Variants in ZMAT4 observed in about 807,000 individuals in gnomAD.
The protein encoded by ZMAT4 is zinc finger matrin-type protein 4.
ZMAT4 carries 17 observed loss-of-function variants against 28.7 expected under a neutral mutation model. The observed-to-expected ratio is 0.59, with a 90% CI of 0.41 to 0.89. ZMAT4 has a LOEUF of 0.89. Ranked by LOEUF, ZMAT4 falls within the 40% of genes least tolerant of loss-of-function variation. The pLI is 0.00. For missense variants in ZMAT4, 240 were observed against 283.8 expected, an observed-to-expected ratio of 0.85 and a Z score of 1.11; for synonymous variants, 117 against 109.2, an observed-to-expected ratio of 1.07 and a Z score of -0.44.
chr8:40,759,159 G>A (rs888594640), intron 3 of ZMAT4, among the ~76,000 whole-genome samples: 4 of 151,714 alleles, frequency 2.6e-5, no homozygotes, highest in African/African-American at 9.7e-5. Flanking sequence ...GTGCGGGCCT[G>A]TAATCCCAGA....
chr8:40,783,917 A>C (rs1406213326), intron 2 of ZMAT4, among the ~76,000 whole-genome samples: 1 of 152,164 alleles, frequency 6.6e-6, no homozygotes, highest in African/African-American at 2.4e-5. Flanking sequence ...AGGTTGAGGC[A>C]GGAGAATTGC....
chr8:40,616,055 C>G (rs1450183215), intron 5 of ZMAT4, among the ~76,000 whole-genome samples: 1 of 152,134 alleles, frequency 6.6e-6, no homozygotes, highest in South Asian at 2.1e-4. Context: ...AAGCAAACAA[C>G]CCCATCAAAA....
chr8:40,586,748 T>G (rs1175498038), intron 5 of ZMAT4, among the ~76,000 whole-genome samples: 2 of 152,176 alleles, frequency 1.3e-5, no homozygotes, highest in Non-Finnish European at 2.9e-5. Flanking sequence ...TTTATTACTG[T>G]GTGAGATATT....
chr8:40,755,515 C>T (rs1208257743), intron 3 of ZMAT4, among the ~76,000 whole-genome samples: 11 of 152,084 alleles, frequency 7.2e-5, no homozygotes, highest in Non-Finnish European at 1.2e-4. Context: ...TGCAATGGCC[C>T]GATCTCGGCT....
At chr8:40,607,117 C>CTTTTTTTTTTTTTTTTTTTTTTT (rs71544299) in intron 5 of ZMAT4, among the ~76,000 whole-genome samples, 1 of 65,716 alleles carries the variant, frequency 1.5e-5, no homozygotes, top group Non-Finnish European at 2.7e-5. Flanking sequence ...TATCTTGTAT[C>CTTTTTTTTTTTTTTTTTTTTTTT]TTTTTTTTTT....
intron 3 of ZMAT4, among the ~76,000 whole-genome samples, chr8:40,720,174 A>G (rs947998343): frequency 6.6e-6 from 1 of 152,214 alleles, no homozygotes; most frequent in Admixed American, 6.5e-5. Context: ...GAAAACATCA[A>G]CATGGTCATG....
At chr8:40,747,776 A>G (rs1304972398) in intron 3 of ZMAT4, among the ~76,000 whole-genome samples, 2 of 152,162 alleles carry the variant, frequency 1.3e-5, no homozygotes, top group African/African-American at 4.8e-5. Context: ...AAACAAACTA[A>G]TTTGTTAATT....
At chr8:40,652,128 C>T (rs1489188627) in intron 5 of ZMAT4, among the ~76,000 whole-genome samples, 2 of 110,930 alleles carry the variant, frequency 1.8e-5, no homozygotes, top group African/African-American at 5.8e-5. Context: ...AAGAAACTAC[C>T]ATCAGAGTGA....
At chr8:40,877,236 C>G (rs886901070) in intron 1 of ZMAT4, among the ~76,000 whole-genome samples, 1 of 152,190 alleles carries the variant, frequency 6.6e-6, no homozygotes, top group African/African-American at 2.4e-5. Flanking sequence ...GAACCCAGCC[C>G]TGCAGGCACC....
intron 4 of ZMAT4, among the ~76,000 whole-genome samples, chr8:40,680,345 C>G (rs1369464515): frequency 6.6e-6 from 1 of 152,012 alleles, no homozygotes; most frequent in African/African-American, 2.4e-5. Flanking sequence ...GTTTTTGGGG[C>G]TAAAACAAGG....
At chr8:40,781,104 C>T (rs1425611393) in intron 2 of ZMAT4, among the ~76,000 whole-genome samples, 2 of 152,168 alleles carry the variant, frequency 1.3e-5, no homozygotes, top group African/African-American at 4.8e-5. Context: ...AAATAAAACT[C>T]TCTCTACTTG....
At chr8:40,639,313 A>G (rs1806918225) in intron 5 of ZMAT4, among the ~76,000 whole-genome samples, 2 of 152,104 alleles carry the variant, frequency 1.3e-5, no homozygotes, top group Non-Finnish European at 2.9e-5. Flanking sequence ...GGGTTTTTGA[A>G]TGAGATTGGA....
At chr8:40,713,921 C>CAAAAAAAAAAAAAAAAAAAAAA (rs532317102) in intron 3 of ZMAT4, among the ~76,000 whole-genome samples, 2 of 50,016 alleles carry the variant, frequency 4.0e-5, no homozygotes, top group African/African-American at 6.7e-5. Flanking sequence ...AAAACAAAAC[C>CAAAAAAAAAAAAAAAAAAAAAA]AAAAAAAAAA....
chr8:40,548,985 A>T (rs921608013), intron 6 of ZMAT4, among the ~76,000 whole-genome samples: 1 of 152,194 alleles, frequency 6.6e-6, no homozygotes, highest in African/African-American at 2.4e-5. Context: ...CAGAATTCAT[A>T]TGTTGAAACG....
chr8:40,689,469 T>C (rs1333479391), intron 4 of ZMAT4, among the ~76,000 whole-genome samples: 1 of 152,250 alleles, frequency 6.6e-6, no homozygotes, highest in African/African-American at 2.4e-5. Context: ...ACCTATTGCA[T>C]CTGATTCTTA....
intron 2 of ZMAT4, among the ~76,000 whole-genome samples, chr8:40,813,758 C>T (rs1172339122): frequency 6.6e-6 from 1 of 152,170 alleles, no homozygotes; most frequent in Admixed American, 6.5e-5. Flanking sequence ...TAATGAAAAA[C>T]ATCAATGGGA....
chr8:40,625,698 G>A (rs994244414), intron 5 of ZMAT4, among the ~76,000 whole-genome samples: 1 of 152,146 alleles, frequency 6.6e-6, no homozygotes, highest in African/African-American at 2.4e-5. Context: ...GAAAGTTAAG[G>A]CTGAGATATT....
intron 3 of ZMAT4, among the ~76,000 whole-genome samples, chr8:40,739,184 C>T (rs1811896141): frequency 1.3e-5 from 2 of 152,122 alleles, no homozygotes; most frequent in Admixed American, 1.3e-4. Context: ...GAGAAGCTTC[C>T]AGGAGCCTCC....
intron 5 of ZMAT4, among the ~76,000 whole-genome samples, chr8:40,658,727 C>T (rs1808051496): frequency 6.6e-6 from 1 of 151,916 alleles, no homozygotes; most frequent in Non-Finnish European, 1.5e-5. Context: ...TGCTATGGTT[C>T]CCCAGAGCTC....
Sources: gnomAD v4.1 joint callset for allele counts (sites outside exome capture counted in the v4.1 genomes callset) on GRCh38, gnomAD v4.1.1 for gene constraint, MANE v1.5 for transcripts, NCBI Gene and HGNC (gene_info 2026-07-23, HGNC 2026-07-21) for gene names.